Variants in CASP14 observed in about 807,000 individuals in gnomAD.
CASP14 encodes the protein caspase 14.
Under a neutral mutation model 28.4 loss-of-function variants are expected in CASP14, and 27 were observed. The observed-to-expected ratio is 0.95, with a 90% CI of 0.70 to 1.31. The LOEUF is 1.31. CASP14 is among the 50% of genes most tolerant of loss of function. The pLI is 0.00. For synonymous variants in CASP14, 115 were observed against 118.6 expected (o/e 0.97, Z 0.20); for missense variants, 323 against 312.8 (o/e 1.03, Z -0.25).
At chr19:15,051,220 G>A (rs2046089274) in intron 1 of CASP14, among the ~76,000 whole-genome samples, 1 of 150,702 alleles carries the variant, frequency 6.6e-6, no homozygotes, top group Admixed American at 6.6e-5. Context: ...CATTCCCGGT[G>A]GGGTGCAGTG....
rs1241315456 is a variant in CASP14, at chr19:15,053,733, C to A, written c.178C>A (p.Gln60Lys). The A allele has an allele frequency of 6.2e-7, 1 of 1,613,256 alleles. No individual in the cohort carries two copies. The highest frequency in any genetic ancestry group is 2.2e-5 in the East Asian group (1 of 44,856). ...STMKRDPTAE[Q>K]FQEELEKFQQ... The stretch of plus-strand genomic sequence containing the variant: ...AGTCTGGTTCTTCCTCTCACTCCAG[C>A]AATTCCAGGAAGAGCTGGAAAAATT... The change falls in exon 4 of 7, where the codon CAA becomes AAA. Residue 60 changes from glutamine (Q) to lysine (K), a missense_variant and splice_region_variant. By Grantham distance (53) the Gln-to-Lys change is moderately conservative. Transcript: ENST00000427043.
At chr19:15,055,608 C>A in intron 6 of CASP14, 75 bp downstream of exon 6, 1 of 960,014 alleles carries the variant, frequency 1.0e-6, no homozygotes, top group South Asian at 1.4e-5. Flanking sequence ...GAGCCTCCTC[C>A]TAACCCCTCT....
At chr19:15,055,098 C>A in intron 4 of CASP14, 60 bp from the exon 5 acceptor site, 2 of 1,361,506 alleles carry the variant, frequency 1.5e-6, no homozygotes, top group Non-Finnish European at 2.1e-6. Context: ...AGCCACCCTG[C>A]CCAGCCCCTT....
chr19:15,053,928 A>G lies in CASP14; in HGVS notation c.373A>G (p.Lys125Glu). ...KNCQALRAKP[K>E]VYIIQACRGE... ...CTGCCAGGCCCTGCGAGCTAAGCCC[A>G]AGGTGTACATCATACAGGCCTGTCG... is the stretch of plus-strand genomic sequence containing the variant. The change falls in exon 4 of 7, where the codon AAG becomes GAG. Residue 125 changes from lysine to glutamate, a missense_variant. Lys to Glu is a moderately conservative substitution (Grantham distance 56). Transcript: ENST00000427043. 1.9e-6 allele frequency: 3 copies of G among 1,614,042 alleles called. No individual in the cohort carries two copies. The highest frequency in any genetic ancestry group is 1.7e-6 in the Non-Finnish European group (2 of 1,180,016).
chr19:15,052,313 T>A, intron 2 of CASP14, 35 bp downstream of exon 2: 1 of 1,549,386 alleles, frequency 6.5e-7, no homozygotes, highest in Non-Finnish European at 8.7e-7. Flanking sequence ...AGGGTGATCA[T>A]CTGGGGAGAA....
Position 15,055,736 on chromosome 19 carries a change from T to C in CASP14, c.624+203T>C, listed in dbSNP as rs111962654. Among the ~76,000 whole-genome samples, 458 of 152,320 alleles carry C rather than the reference T, an allele frequency of 3.0e-3. 3 individuals carry two copies. Among genetic ancestry groups the C allele is most frequent in the African/African-American group, 0.01 (417 of 41,564 alleles). ...AAAGCCACAGTATGGGAGATAAATTTCTATAAACAAATCCCCCTTGGATAT... is the reference window on the plus strand; with the variant it reads ...AAAGCCACAGTATGGGAGATAAATTCCTATAAACAAATCCCCCTTGGATAT... On this transcript the variant is annotated intron_variant, in intron 6 of 6. Coordinates refer to ENST00000427043, the MANE Select transcript of CASP14 (RefSeq NM_012114.3).
Position 15,055,500 on chromosome 19 carries a change from G to C in CASP14, c.591G>C (p.Lys197Asn). Residue 197 changes from lysine (K) to asparagine (N), a missense_variant, in exon 6 of 7, where the codon AAG becomes AAC. Physicochemically the swap from Lys to Asn is moderately conservative, Grantham distance 94. Transcript: ENST00000427043. Reference sequence around the variant, plus strand: ...AGACCCTGGTGGATGTGTTCACGAAGAGGAAAGGACATATCTTGGAACTTC... The same window carrying C: ...AGACCCTGGTGGATGTGTTCACGAACAGGAAAGGACATATCTTGGAACTTC... The part of the protein sequence containing the change: ...FIQTLVDVFT[K>N]RKGHILELLT... The C allele has an allele frequency of 6.2e-7, 1 of 1,614,080 alleles. No individual in the cohort carries two copies. The highest frequency in any genetic ancestry group is 8.5e-7 in the Non-Finnish European group (1 of 1,179,956).
intron 1 of CASP14, among the ~76,000 whole-genome samples, chr19:15,049,916 T>C (rs1568314019): frequency 6.6e-6 from 1 of 152,064 alleles, no homozygotes; most frequent in Admixed American, 6.6e-5. Context: ...TTGGCCATGA[T>C]GGAGACAGAG....
rs1356095752 is a variant in CASP14, at chr19:15,056,126, T to A, written c.*37T>A. Reference sequence around the variant, plus strand: ...CCAGGAGGAGCTTTCCTTCCAGCATTCTTTCTGTCTCACAGAAATTTAGAG... The same window carrying A: ...CCAGGAGGAGCTTTCCTTCCAGCATACTTTCTGTCTCACAGAAATTTAGAG... On this transcript the variant is annotated 3_prime_UTR_variant, in exon 7 of 7. Coordinates refer to ENST00000427043, the MANE Select transcript of CASP14 (RefSeq NM_012114.3). 8.8e-6 allele frequency: 13 copies of A among 1,484,244 alleles called. No individual in the cohort carries two copies. The highest frequency in any genetic ancestry group is 1.1e-5 in the Non-Finnish European group (12 of 1,087,452). The allele number at this position is 1,484,244 out of a possible 1,614,324, so 91.9% of individuals were successfully genotyped here. A position where few individuals can be genotyped will look rare whatever the true frequency, so the allele number is the denominator to read the frequency against.
In CASP14 at chr19:15,055,242, C is replaced by T. The variant is rs747452894; in HGVS notation, c.488C>T (p.Thr163Ile). The T allele has an allele frequency of 1.1e-5, 17 of 1,614,080 alleles. No homozygotes were observed. Among genetic ancestry groups the T allele is most frequent in the South Asian group, 3.3e-5 (3 of 91,078 alleles). The stretch of plus-strand genomic sequence containing the variant: ...AGCCCACAAACCATCCCAACATACA[C>T]AGATGCCTTGCACGTTTATTCCACG... Reference protein sequence around the residue: ...KDSPQTIPTYTDALHVYSTVE... With the variant: ...KDSPQTIPTYIDALHVYSTVE... The change falls in exon 5 of 7, where the codon ACA (threonine) becomes ATA (isoleucine). Residue 163 changes from threonine (T) to isoleucine (I), a missense_variant. Transcript: ENST00000427043.
In CASP14 at chr19:15,056,304, C is replaced by T. The variant is rs1231888153; in HGVS notation, c.*215C>T. 6.5e-6 allele frequency: 3 copies of T among 461,022 alleles called. No individual in the cohort carries two copies. Among genetic ancestry groups the T allele is most frequent in the East Asian group, 4.3e-5 (1 of 23,486 alleles). The allele number at this position is 461,022 out of a possible 1,614,324, so 28.6% of individuals were successfully genotyped here. On this transcript the variant is annotated 3_prime_UTR_variant, in exon 7 of 7. Transcript: ENST00000427043. The stretch of plus-strand genomic sequence containing the variant: ...GGCATGGTGGCAACATTAACATCAC[C>T]TCCCTCAGGCTGGACTTTCTATCTT...
In CASP14 at chr19:15,056,186, C is replaced by T. The variant is rs11574685; in HGVS notation, c.*97C>T. ...ACCTCTCCCCAAGATCTTCTGTTCCCAAGGCCAAATGGCACCCAGTTTCTT... is the reference window on the plus strand; with the variant it reads ...ACCTCTCCCCAAGATCTTCTGTTCCTAAGGCCAAATGGCACCCAGTTTCTT... On this transcript the variant is annotated 3_prime_UTR_variant, in exon 7 of 7. Coordinates refer to ENST00000427043, the MANE Select transcript of CASP14 (RefSeq NM_012114.3). 320,699 of 976,130 alleles carry T rather than the reference C, an allele frequency of 0.33. 55,487 individuals are homozygous for T. The highest frequency in any genetic ancestry group is 0.38 in the East Asian group (13,442 of 35,790). 60.5% of individuals were successfully genotyped at this position (976,130 alleles called of 1,614,324 possible). A position where few individuals can be genotyped will look rare whatever the true frequency, so the allele number is the denominator to read the frequency against.
At chr19:15,052,385 C>G (rs1195793061) in intron 2 of CASP14, 107 bp downstream of exon 2, 4 of 1,134,260 alleles carry the variant, frequency 3.5e-6, no homozygotes, top group Non-Finnish European at 4.9e-6. Flanking sequence ...ATGATCTGAA[C>G]TCAGAGCTAG....
chr19:15,053,699 AC>A (rs781685056), intron 3 of CASP14, 33 bp from the exon 4 acceptor site: 99 of 1,612,942 alleles, frequency 6.1e-5, no homozygotes, highest in Non-Finnish European at 8.4e-5. Flanking sequence ...GGCTATGGGG[AC>A]CCAGCTGAGT....
At chr19:15,052,333 G>A (rs1015604327) in intron 2 of CASP14, 55 bp downstream of exon 2, 5 of 1,486,942 alleles carry the variant, frequency 3.4e-6, no homozygotes, top group Non-Finnish European at 4.5e-6. Flanking sequence ...AGGAAGGTGA[G>A]GATTTTAATG....
chr19:15,053,867 G>C lies in CASP14; in HGVS notation c.312G>C (p.Lys104Asn). ...AGGGAGAAGATGGGGAGATGGTCAA[G>C]CTGGAGAATCTCTTCGAGGCCCTGA... ...FLKGEDGEMVKLENLFEALNN... is the reference protein window; with the variant it reads ...FLKGEDGEMVNLENLFEALNN... The change falls in exon 4 of 7, where the codon AAG becomes AAC. Residue 104 changes from lysine to asparagine, a missense_variant. Lys to Asn is a moderately conservative substitution (Grantham distance 94). Coordinates refer to ENST00000427043, the MANE Select transcript of CASP14 (RefSeq NM_012114.3). 1 of 1,614,072 alleles carries C rather than the reference G, an allele frequency of 6.2e-7. No homozygotes were observed. Among genetic ancestry groups the C allele is most frequent in the Admixed American group, 1.7e-5 (1 of 60,002 alleles).
intron 1 of CASP14, among the ~76,000 whole-genome samples, chr19:15,050,943 T>TGTGC (rs1314726208): frequency 1.3e-5 from 2 of 151,804 alleles, no homozygotes; most frequent in Non-Finnish European, 2.9e-5. Context: ...ACTAGATAGA[T>TGTGC]GTGCGGGTGG....
chr19:15,049,687 TCTCTCTCTCTCACACACACA>T (rs1002323691), intron 1 of CASP14, 42 bp downstream of exon 1: 16 of 108,924 alleles, frequency 1.5e-4, no homozygotes, highest in African/African-American at 6.4e-4. Context: ...TCTCTCTCTC[TCTCTCTCTCTCACACACACA>T]CACACACACA....
chr19:15,053,337 G>C (rs994678935), intron 2 of CASP14, 145 bp from the exon 3 acceptor site: 2 of 950,376 alleles, frequency 2.1e-6, no homozygotes, highest in African/African-American at 3.3e-5. Flanking sequence ...CGAACTCTTG[G>C]GCTCAAGCAA....
Sources: gnomAD v4.1 joint callset for allele counts (sites outside exome capture counted in the v4.1 genomes callset) on GRCh38, gnomAD v4.1.1 for gene constraint, MANE v1.5 for transcripts, NCBI Gene and HGNC (gene_info 2026-07-23, HGNC 2026-07-21) for gene names.